RPP40: variants seen among roughly 807,000 people sequenced by gnomAD.
RPP40 encodes ribonuclease P/MRP subunit p40.
In RPP40, 30 loss-of-function variants were observed where a neutral mutation model predicts 42.5. That is an observed-to-expected ratio of 0.71 (90% CI 0.53 to 0.96). The LOEUF (loss-of-function observed/expected upper bound fraction) is 0.96, where lower values mean the gene tolerates loss of function less well. Ranked by LOEUF, RPP40 falls within the 40% of genes least tolerant of loss-of-function variation. The pLI, the probability that RPP40 is intolerant of heterozygous loss-of-function variation, is 0.00. For synonymous variants in RPP40, 173 were observed against 164.0 expected, an observed-to-expected ratio of 1.05 and a Z score of -0.42; for missense variants, 426 against 433.5, an observed-to-expected ratio of 0.98 and a Z score of 0.15.
At chr6:5,003,260 TG>T (rs1759625717) in intron 1 of RPP40, among the ~76,000 whole-genome samples, 1 of 138,420 alleles carries the variant, frequency 7.2e-6, no homozygotes, top group African/African-American at 2.7e-5. Flanking sequence ...GGCAGGAGAA[TG>T]GCGTGAACCC....
At chr6:4,992,815 G>T (rs1298466616), downstream of RPP40, among the ~76,000 whole-genome samples, 2 of 152,022 alleles carry the variant, frequency 1.3e-5, no homozygotes, top group Non-Finnish European at 2.9e-5. Flanking sequence ...GATGAATCAA[G>T]TTTTTAAAAT....
intron 4 of RPP40, among the ~76,000 whole-genome samples, chr6:4,999,362 G>A (rs1320837528): frequency 1.5e-5 from 2 of 134,944 alleles, no homozygotes; most frequent in Non-Finnish European, 3.0e-5. Flanking sequence ...GCAGTGGTGC[G>A]ATCTTGGCTC....
At chr6:4,996,491 A>C in intron 5 of RPP40, 71 bp from the exon 6 acceptor site, 1 of 1,382,998 alleles carries the variant, frequency 7.2e-7, no homozygotes, top group Non-Finnish European at 1.0e-6. Flanking sequence ...GAATACCTGA[A>C]CCCACCCATT....
At chr6:4,990,152 G>A (rs868665394), downstream of RPP40, among the ~76,000 whole-genome samples, 2 of 152,174 alleles carry the variant, frequency 1.3e-5, no homozygotes, top group African/African-American at 4.8e-5. Context: ...GCTGGATTTT[G>A]TCAAATGCCT....
At chr6:4,997,491 G>A (rs989603588) in intron 5 of RPP40, among the ~76,000 whole-genome samples, 2 of 152,222 alleles carry the variant, frequency 1.3e-5, no homozygotes, top group African/African-American at 4.8e-5. Context: ...GCCTTGGACT[G>A]AGAATTATAC....
downstream of RPP40, among the ~76,000 whole-genome samples, chr6:4,992,368 C>CAAAAAAA (rs56244686): frequency 9.2e-6 from 1 of 108,732 alleles, no homozygotes; most frequent in Non-Finnish European, 2.0e-5. Flanking sequence ...GGCTCTGTCT[C>CAAAAAAA]AAAAAAAAAA....
At chr6:5,001,156 A>G (rs34471690) in intron 2 of RPP40, 54,061 of 456,620 alleles carry the variant, frequency 0.12, 3,650 homozygotes, top group Non-Finnish European at 0.15. Flanking sequence ...CCTCTCAGAG[A>G]CAGAGTTCCA....
chr6:4,999,225 G>T (rs1436166621), intron 4 of RPP40, among the ~76,000 whole-genome samples: 1 of 151,808 alleles, frequency 6.6e-6, no homozygotes, highest in Non-Finnish European at 1.5e-5. Flanking sequence ...AAAGACTTGG[G>T]GAAACCAAAG....
Position 4,999,797 on chromosome 6 carries a change from CAT to C in RPP40, c.433+10_433+11del, listed in dbSNP as rs1759495919. On this transcript the variant is annotated intron_variant, in intron 4 of 7. Transcript: ENST00000380051. ...GAAGATTAGAAACAGATGGAACACA[CAT>C]GATACTTACTAAATTTCATAATTTT... is the stretch of plus-strand genomic sequence containing the variant. The C allele has an allele frequency of 2.8e-6, 4 of 1,414,818 alleles. No homozygotes were observed. The highest frequency in any genetic ancestry group is 2.3e-5 in the South Asian group (2 of 86,410). 87.6% of individuals were successfully genotyped at this position (1,414,818 alleles called of 1,614,324 possible). A position where few individuals can be genotyped will look rare whatever the true frequency, so the allele number is the denominator to read the frequency against.
intron 5 of RPP40, among the ~76,000 whole-genome samples, chr6:4,997,664 T>C (rs1759423601): frequency 6.9e-6 from 1 of 143,896 alleles, no homozygotes; most frequent in South Asian, 2.1e-4. Flanking sequence ...CATCCATCCA[T>C]CCATCCATCC....
intron 1 of RPP40, among the ~76,000 whole-genome samples, chr6:5,003,250 G>A (rs1269848324): frequency 3.3e-5 from 5 of 149,802 alleles, no homozygotes; most frequent in African/African-American, 1.2e-4. Flanking sequence ...GGGAGGCTGA[G>A]GCAGGAGAAT....
Position 4,995,022 on chromosome 6 carries a change from A to G in RPP40, c.*56T>C. On this transcript the variant is annotated 3_prime_UTR_variant, in exon 8 of 8. Coordinates refer to ENST00000380051, the MANE Select transcript of RPP40 (RefSeq NM_006638.4). ...GTGGACACACAGACCTTTTACCATT[A>G]AGAAATCTGAAAGCAAGCGTAAATG... The G allele has an allele frequency of 6.9e-7, 1 of 1,446,496 alleles. No individual in the cohort carries two copies. The highest frequency in any genetic ancestry group is 9.5e-7 in the Non-Finnish European group (1 of 1,053,608). The allele number at this position is 1,446,496 out of a possible 1,614,324, so 89.6% of individuals were successfully genotyped here.
At chr6:4,991,273 G>A (rs570457413), downstream of RPP40, among the ~76,000 whole-genome samples, 2 of 152,120 alleles carry the variant, frequency 1.3e-5, no homozygotes, top group Non-Finnish European at 2.9e-5. Context: ...TGTGACAAAT[G>A]TTTTGAATTT....
At chr6:4,989,375 C>T in the RPP40 span, among the ~76,000 whole-genome samples, 1 of 152,130 alleles carries the variant, frequency 6.6e-6, no homozygotes, top group South Asian at 2.1e-4. Context: ...CTTGGTTCTT[C>T]TTTTGTGAAG....
intron 7 of RPP40, among the ~76,000 whole-genome samples, chr6:4,995,478 A>G (rs1371947214): frequency 1.3e-5 from 2 of 152,236 alleles, no homozygotes; most frequent in Admixed American, 6.5e-5. Context: ...AATATACAAC[A>G]CATGAAACAA....
At chr6:4,998,663 A>G in intron 5 of RPP40, 53 bp downstream of exon 5, 17 of 1,280,976 alleles carry the variant, frequency 1.3e-5, no homozygotes, top group Non-Finnish European at 1.8e-5. Flanking sequence ...CTCCTCTTTA[A>G]TTAACAATTA....
chr6:4,999,734 T>C, intron 4 of RPP40, 75 bp downstream of exon 4: 2 of 851,686 alleles, frequency 2.3e-6, no homozygotes, highest in Non-Finnish European at 3.9e-6. Context: ...ACAAAGAGAT[T>C]AGAGGCAATT....
intron 2 of RPP40, 54 bp downstream of exon 2, chr6:5,002,047 C>A: frequency 6.6e-7 from 1 of 1,520,324 alleles, no homozygotes; most frequent in South Asian, 1.2e-5. Context: ...GTGATGTGGT[C>A]TCCCTACCCT....
chr6:4,992,219 A>C (rs12201300), downstream of RPP40, among the ~76,000 whole-genome samples: 3,707 of 152,058 alleles, frequency 0.024, 70 homozygotes, highest in South Asian at 0.052. Flanking sequence ...ACAAAAAAAA[A>C]CTAGCCAGGC....
Sources: allele counts gnomAD v4.1 joint callset (sites outside exome capture counted in the v4.1 genomes callset), GRCh38; gene constraint gnomAD v4.1.1; transcripts MANE v1.5; gene names NCBI Gene and HGNC (gene_info 2026-07-23, HGNC 2026-07-21).